CNTN5: variants seen among roughly 807,000 people sequenced by gnomAD.
CNTN5 encodes the protein contactin-5.
Under a neutral mutation model 129.1 loss-of-function variants are expected in CNTN5, and 77 were observed. The observed-to-expected ratio is 0.60, with a 90% CI of 0.50 to 0.72. The LOEUF is 0.72. CNTN5 is among the 30% of genes least tolerant of loss of function. The pLI is 0.00. For missense variants in CNTN5, 1,478 were observed against 1,328.8 expected (o/e 1.11, Z -1.75); for synonymous variants, 509 against 465.6 (o/e 1.09, Z -1.20).
intron 3 of CNTN5, among the ~76,000 whole-genome samples, chr11:99,654,791 CAA>C (rs1184351808): frequency 1.3e-5 from 2 of 151,968 alleles, no homozygotes; most frequent in East Asian, 3.9e-4. Flanking sequence ...GTAAAAATCC[CAA>C]GTCTTTTTTA....
chr11:100,349,238 T>C (rs1952351939), intron 23 of CNTN5, among the ~76,000 whole-genome samples: 1 of 151,976 alleles, frequency 6.6e-6, no homozygotes, highest in African/African-American at 2.4e-5. Context: ...ATATTGCTTC[T>C]CTAAAGTATT....
Position 99,077,327 on chromosome 11 carries a change from G to A in CNTN5, c.-210+56057G>A, listed in dbSNP as rs1031206193. Among the ~76,000 whole-genome samples the A allele has an allele frequency of 3.3e-5, 5 of 152,252 alleles. No individual in the cohort carries two copies. In the South Asian group the frequency reaches 1.0e-3, roughly 32 times the overall value. ...TGCTACTGACATTTATATAATAATAGTAATGATTAATTCTTTGCTAAAACA... is the reference window on the plus strand; with the variant it reads ...TGCTACTGACATTTATATAATAATAATAATGATTAATTCTTTGCTAAAACA... On this transcript the variant is annotated intron_variant, in intron 1 of 24. Coordinates refer to ENST00000524871, the MANE Select transcript of CNTN5 (RefSeq NM_014361.4).
intron 2 of CNTN5, among the ~76,000 whole-genome samples, chr11:99,470,300 C>T (rs1945122166): frequency 6.6e-6 from 1 of 152,104 alleles, no homozygotes; most frequent in African/African-American, 2.4e-5. Context: ...TGATAGAAGC[C>T]TCAGGTCTCA....
At chr11:99,217,544 G>T (rs912254669) in intron 1 of CNTN5, among the ~76,000 whole-genome samples, 1 of 152,084 alleles carries the variant, frequency 6.6e-6, no homozygotes, top group Non-Finnish European at 1.5e-5. Flanking sequence ...CTTTATGCTC[G>T]CAGGTGACAT....
At chr11:99,495,654 G>C (rs1016806118) in intron 2 of CNTN5, among the ~76,000 whole-genome samples, 14 of 152,134 alleles carry the variant, frequency 9.2e-5, no homozygotes, top group African/African-American at 3.4e-4. Flanking sequence ...TTCCCTGAAT[G>C]TAATGAAGGC....
intron 8 of CNTN5, among the ~76,000 whole-genome samples, chr11:99,969,022 A>G (rs1352084520): frequency 1.3e-5 from 2 of 152,136 alleles, no homozygotes; most frequent in East Asian, 1.9e-4. Flanking sequence ...CGATTTTTGA[A>G]TAAGATGAAT....
At chr11:99,682,139 TAAATA>T (rs947089378) in intron 3 of CNTN5, among the ~76,000 whole-genome samples, 31 of 152,084 alleles carry the variant, frequency 2.0e-4, no homozygotes, top group Admixed American at 2.0e-3. Flanking sequence ...GAGTTTCATC[TAAATA>T]AAATGTCCTG....
intron 9 of CNTN5, among the ~76,000 whole-genome samples, chr11:100,036,594 C>G (rs563337957): frequency 0.014 from 2,026 of 148,204 alleles, 66 homozygotes; most frequent in African/African-American, 0.048. Context: ...TTCTTCCTAC[C>G]CATGAGCAAG....
intron 1 of CNTN5, among the ~76,000 whole-genome samples, chr11:99,135,560 A>T (rs1444543312): frequency 2.0e-5 from 3 of 152,112 alleles, no homozygotes; most frequent in African/African-American, 7.2e-5. Context: ...ATGCCATGGT[A>T]AGGAATTTGG....
chr11:99,809,353 C>T (rs2135511656), intron 3 of CNTN5, among the ~76,000 whole-genome samples: 1 of 152,016 alleles, frequency 6.6e-6, no homozygotes, highest in African/African-American at 2.4e-5. Flanking sequence ...TTTTTTTTCT[C>T]TTAGTTTATA....
intron 11 of CNTN5, among the ~76,000 whole-genome samples, 196 bp from the exon 12 acceptor site, chr11:100,071,509 A>G (rs967856821): frequency 6.6e-6 from 1 of 152,212 alleles, no homozygotes; most frequent in Admixed American, 6.6e-5. Context: ...TTTCTTTTTC[A>G]ACCAATAAAT....
At chr11:99,171,852 T>A (rs1861163942) in intron 1 of CNTN5, among the ~76,000 whole-genome samples, 1 of 152,116 alleles carries the variant, frequency 6.6e-6, no homozygotes, top group Non-Finnish European at 1.5e-5. Context: ...CAGTAGCATT[T>A]TCAGAATACT....
At chr11:99,200,858 C>T (rs1257605198) in intron 1 of CNTN5, among the ~76,000 whole-genome samples, 2 of 152,044 alleles carry the variant, frequency 1.3e-5, no homozygotes, top group African/African-American at 4.8e-5. Context: ...GATTGGCTTG[C>T]CTTCCTCACC....
chr11:100,234,048 C>G (rs746921167), intron 16 of CNTN5, among the ~76,000 whole-genome samples: 2 of 152,168 alleles, frequency 1.3e-5, no homozygotes, highest in Non-Finnish European at 2.9e-5. Context: ...AAAAAAAGCT[C>G]ATCGTCACTG....
chr11:99,824,276 T>C (rs1946886791), intron 4 of CNTN5, among the ~76,000 whole-genome samples: 1 of 152,034 alleles, frequency 6.6e-6, no homozygotes, highest in Non-Finnish European at 1.5e-5. Flanking sequence ...TTCTCCACAT[T>C]GTCACCAACA....
intron 13 of CNTN5, among the ~76,000 whole-genome samples, chr11:100,117,501 G>A (rs1248037968): frequency 6.6e-6 from 1 of 151,870 alleles, no homozygotes; most frequent in East Asian, 1.9e-4. Flanking sequence ...TTTCTGGGAG[G>A]ATTACGTGAA....
Position 100,044,764 on chromosome 11 carries a change from T to G in CNTN5, c.981-16448T>G, listed in dbSNP as rs541098287. Among the ~76,000 whole-genome samples, 8 of 142,152 alleles carry G rather than the reference T, an allele frequency of 5.6e-5. No homozygotes were observed. The South Asian group carries it at 1.5e-3, about 26-fold the overall frequency. The allele number at this position is 142,152 out of a possible 152,430, so 93.3% of individuals were successfully genotyped here. A position where few individuals can be genotyped will look rare whatever the true frequency, so the allele number is the denominator to read the frequency against. On this transcript the variant is annotated intron_variant, in intron 9 of 24. Transcript: ENST00000524871. The stretch of plus-strand genomic sequence containing the variant: ...AGATGCATAGTTTGCAAATATTTTA[T>G]CCCATTTTTCAGGTTGTCTGTTCAC...
chr11:99,839,243 G>C (rs1947401515), intron 4 of CNTN5, among the ~76,000 whole-genome samples: 1 of 152,082 alleles, frequency 6.6e-6, no homozygotes, highest in African/African-American at 2.4e-5. Context: ...ACAAATATCA[G>C]TTTACCTAAT....
At chr11:100,299,074 T>C (rs906725587) in intron 19 of CNTN5, 88 bp from the exon 20 acceptor site, 1 of 789,864 alleles carries the variant, frequency 1.3e-6, no homozygotes. Context: ...TCTCTAGCTA[T>C]CTATAATTTT....
Sources: gnomAD v4.1 joint callset for allele counts (sites outside exome capture counted in the v4.1 genomes callset) on GRCh38, gnomAD v4.1.1 for gene constraint, MANE v1.5 for transcripts, NCBI Gene and HGNC (gene_info 2026-07-23, HGNC 2026-07-21) for gene names.